Variants in PCDH15 observed in about 807,000 individuals in gnomAD.
The protein encoded by PCDH15 is protocadherin-15.
In PCDH15, 129 loss-of-function variants were observed where a neutral mutation model predicts 178.5. The observed-to-expected ratio is 0.72, with a 90% CI of 0.63 to 0.84. The LOEUF (loss-of-function observed/expected upper bound fraction) is 0.84, where lower values mean the gene tolerates loss of function less well. Ranked by LOEUF, PCDH15 falls within the 40% of genes least tolerant of loss-of-function variation. The pLI is 0.00. For missense variants in PCDH15, 2,230 were observed against 2,099.9 expected, an observed-to-expected ratio of 1.06 and a Z score of -1.21; for synonymous variants, 800 against 732.0, an observed-to-expected ratio of 1.09 and a Z score of -1.50.
rs559866468 is a variant in PCDH15 at position 55,327,049 on chromosome 10, C to T, written c.-155-160398G>A. 8.5e-5 allele frequency among the ~76,000 whole-genome samples: 13 copies of T among 152,082 alleles called. No individual in the cohort carries two copies. The South Asian group carries it at 2.7e-3, about 32-fold the overall frequency. On this transcript the variant is annotated intron_variant, in intron 2 of 5. Transcript: ENST00000613346. ...ATGACTGTTTATGTCCACACAAAAG[C>T]GGTAAAATCCAAAATCCCAAAGTAA... is the stretch of plus-strand genomic sequence containing the variant.
At chr10:55,379,053 A>G (rs907185706) in intron 2 of PCDH15, among the ~76,000 whole-genome samples, 22 of 152,002 alleles carry the variant, frequency 1.4e-4, no homozygotes, top group African/African-American at 5.3e-4. Context: ...AGTCACTTGA[A>G]ATTATTTCTA....
At chr10:54,199,388 C>T (rs1446365647) in intron 10 of PCDH15, among the ~76,000 whole-genome samples, 1 of 151,994 alleles carries the variant, frequency 6.6e-6, no homozygotes, top group Non-Finnish European at 1.5e-5. Flanking sequence ...GGCCCAGACT[C>T]AGGTCTCCTG....
intron 3 of PCDH15, among the ~76,000 whole-genome samples, chr10:54,485,299 G>A (rs985882514): frequency 1.3e-5 from 2 of 151,750 alleles, no homozygotes; most frequent in Non-Finnish European, 2.9e-5. Flanking sequence ...AACTAAAAAT[G>A]TGTTTCTAGA....
At chr10:53,845,428 A>G (rs2077908719) in intron 28 of PCDH15, among the ~76,000 whole-genome samples, 1 of 151,956 alleles carries the variant, frequency 6.6e-6, no homozygotes, top group African/African-American at 2.4e-5. Context: ...CTGCATGCCT[A>G]TGTTTATCAC....
intron 2 of PCDH15, among the ~76,000 whole-genome samples, chr10:55,013,025 G>T (rs1840083710): frequency 6.6e-6 from 1 of 152,126 alleles, no homozygotes; most frequent in Admixed American, 6.6e-5. Context: ...TCTCTCCAGA[G>T]TTCTCAAATA....
chr10:54,526,372 C>T (rs962189810), intron 3 of PCDH15, among the ~76,000 whole-genome samples: 3 of 152,106 alleles, frequency 2.0e-5, no homozygotes, highest in Admixed American at 2.0e-4. Context: ...ATAAACCTTG[C>T]ATTATGTTTA....
chr10:53,982,433 A>C (rs1182969462), intron 21 of PCDH15, among the ~76,000 whole-genome samples: 5 of 151,762 alleles, frequency 3.3e-5, no homozygotes, highest in Admixed American at 2.6e-4. Context: ...ATGTCCAACA[A>C]TGATAGACTG....
At chr10:54,153,355 T>G in intron 13 of PCDH15, 62 bp from the exon 14 acceptor site, 1 of 1,567,018 alleles carries the variant, frequency 6.4e-7, no homozygotes, top group Non-Finnish European at 8.8e-7. Context: ...CCATGTCGTT[T>G]TTTCCCCCAA....
intron 18 of PCDH15, among the ~76,000 whole-genome samples, chr10:54,039,835 C>T (rs991406152): frequency 3.3e-5 from 5 of 151,890 alleles, no homozygotes; most frequent in African/African-American, 9.7e-5. Flanking sequence ...CTCTTTACTC[C>T]ATCTATTGCC....
At chr10:54,612,365 A>C (rs2092990685) in intron 2 of PCDH15, among the ~76,000 whole-genome samples, 1 of 151,766 alleles carries the variant, frequency 6.6e-6, no homozygotes, top group South Asian at 2.1e-4. Flanking sequence ...CAGTATCTTA[A>C]CCTCAGCTAT....
At chr10:55,093,867 G>A (rs1467031495) in intron 2 of PCDH15, among the ~76,000 whole-genome samples, 4 of 152,072 alleles carry the variant, frequency 2.6e-5, no homozygotes, top group Admixed American at 6.6e-5. Flanking sequence ...AGTTAGAATG[G>A]TGATCATTAA....
At chr10:54,947,171 C>T (rs1256507638) in intron 2 of PCDH15, among the ~76,000 whole-genome samples, 1 of 151,848 alleles carries the variant, frequency 6.6e-6, no homozygotes, top group East Asian at 1.9e-4. Flanking sequence ...TAAGACATAA[C>T]ACTAGTTAAC....
chr10:54,752,476 C>CAAAAAAAAAAAAA (rs755874514), intron 1 of PCDH15, among the ~76,000 whole-genome samples: 3 of 89,776 alleles, frequency 3.3e-5, no homozygotes, highest in Non-Finnish European at 5.0e-5. Context: ...GACTCCGTCT[C>CAAAAAAAAAAAAA]AAAAAAAAAA....
chr10:54,451,154 GA>G (rs1182793247), intron 3 of PCDH15, among the ~76,000 whole-genome samples: 2 of 151,674 alleles, frequency 1.3e-5, no homozygotes, highest in Non-Finnish European at 3.0e-5. Context: ...AAATATAAAA[GA>G]AAAACAGCAT....
Position 54,790,341 on chromosome 10 carries a change from C to CAT in PCDH15, c.-29+10582_-29+10583dup, listed in dbSNP as rs111869933. On this transcript the variant is annotated intron_variant, in intron 1 of 37. Coordinates refer to ENST00000644397, the MANE Select transcript of PCDH15 (RefSeq NM_001384140.1). ...ACATTTTTACATATGTATATATTTA[C>CAT]ATATATATATATACCTATATATGTA... 1.4e-3 allele frequency among the ~76,000 whole-genome samples: 212 copies of CAT among 150,144 alleles called. 1 individual carries two copies. Among genetic ancestry groups the CAT allele is most frequent in the African/African-American group, 4.1e-3 (169 of 41,056 alleles).
intron 3 of PCDH15, among the ~76,000 whole-genome samples, chr10:54,883,435 G>A (rs994425061): frequency 1.3e-5 from 2 of 151,790 alleles, no homozygotes; most frequent in African/African-American, 2.4e-5. Context: ...CATACCCTAC[G>A]TATCCTAAAA....
chr10:54,900,790 A>G (rs537003728), intron 2 of PCDH15, among the ~76,000 whole-genome samples: 1 of 152,304 alleles, frequency 6.6e-6, no homozygotes, highest in East Asian at 1.9e-4. Flanking sequence ...TCTCAGTTTC[A>G]ATGTAGTAAA....
intron 3 of PCDH15, among the ~76,000 whole-genome samples, chr10:54,443,155 C>G (rs1443799749): frequency 6.6e-6 from 1 of 151,622 alleles, no homozygotes; most frequent in African/African-American, 2.4e-5. Context: ...GTGTTTCCAG[C>G]CTTTATGAAA....
At chr10:55,543,643 C>CT (rs770148373) in intron 2 of PCDH15, among the ~76,000 whole-genome samples, 3,297 of 145,848 alleles carry the variant, frequency 0.023, 54 homozygotes, top group Non-Finnish European at 0.038. Context: ...ATATTTGCCA[C>CT]TTTTTTTTTT....
Sources: allele counts gnomAD v4.1 joint callset (sites outside exome capture counted in the v4.1 genomes callset), GRCh38; gene constraint gnomAD v4.1.1; transcripts MANE v1.5; gene names NCBI Gene and HGNC (gene_info 2026-07-23, HGNC 2026-07-21).